HMG20A: variants seen among roughly 807,000 people sequenced by gnomAD.
HMG20A encodes high mobility group 20A.
A neutral mutation model predicts 43.9 loss-of-function variants in HMG20A; 17 were observed. The ratio of observed to expected loss-of-function variants is 0.39; its 90% CI spans 0.27 to 0.58. The LOEUF (loss-of-function observed/expected upper bound fraction) is 0.58. Among genes scored for constraint, HMG20A ranks in the 20% least tolerant of loss-of-function variants. HMG20A has a pLI of 0.59. For missense variants in HMG20A, 341 were observed against 438.2 expected, an observed-to-expected ratio of 0.78 and a Z score of 1.98; for synonymous variants, 132 against 147.5, an observed-to-expected ratio of 0.89 and a Z score of 0.76.
At chr15:77,423,082 T>A (rs1364126758) in intron 1 of HMG20A, among the ~76,000 whole-genome samples, 1 of 152,200 alleles carries the variant, frequency 6.6e-6, no homozygotes, top group Non-Finnish European at 1.5e-5. Context: ...GGAAACTGTC[T>A]TTATTAAATT....
At chr15:77,510,808 G>A in the HMG20A span, among the ~76,000 whole-genome samples, 1 of 152,220 alleles carries the variant, frequency 6.6e-6, no homozygotes, top group South Asian at 2.1e-4. Flanking sequence ...AGAAACACTG[G>A]AGCAGATGGG....
At chr15:77,513,791 T>A in the HMG20A span, among the ~76,000 whole-genome samples, 1,573 of 151,222 alleles carry the variant, frequency 0.01, 21 homozygotes, top group African/African-American at 0.035. Context: ...AGTGGTGCAA[T>A]CTTGACTCAC....
the HMG20A span, among the ~76,000 whole-genome samples, chr15:77,506,855 T>C: frequency 6.6e-6 from 1 of 152,194 alleles, no homozygotes; most frequent in South Asian, 2.1e-4. Flanking sequence ...GGGGATGTGA[T>C]GAAGAGAAGG....
chr15:77,455,609 G>A (rs890034703), intron 1 of HMG20A, among the ~76,000 whole-genome samples: 5 of 152,132 alleles, frequency 3.3e-5, no homozygotes, highest in African/African-American at 1.2e-4. Context: ...AGACCTGTTT[G>A]TATAAAGTGC....
intron 1 of HMG20A, among the ~76,000 whole-genome samples, chr15:77,454,935 T>C (rs2072640607): frequency 6.6e-6 from 1 of 151,992 alleles, no homozygotes; most frequent in Non-Finnish European, 1.5e-5. Flanking sequence ...AAGGCTGTAA[T>C]ATGGAAAATG....
chr15:77,472,059 TA>T (rs2072814433), intron 6 of HMG20A, among the ~76,000 whole-genome samples: 1 of 152,204 alleles, frequency 6.6e-6, no homozygotes, highest in Non-Finnish European at 1.5e-5. Flanking sequence ...TTATTGGCTT[TA>T]AATGCCAAAG....
intron 1 of HMG20A, among the ~76,000 whole-genome samples, chr15:77,440,155 A>G (rs1425850519): frequency 6.6e-6 from 1 of 152,110 alleles, no homozygotes; most frequent in Non-Finnish European, 1.5e-5. Flanking sequence ...CTTTAACATG[A>G]TCTTCTGATG....
chr15:77,500,969 A>T, the HMG20A span, among the ~76,000 whole-genome samples: 1 of 152,176 alleles, frequency 6.6e-6, no homozygotes, highest in Admixed American at 6.5e-5. Context: ...CCCAGATCAG[A>T]TAGCACCCAT....
intron 2 of HMG20A, among the ~76,000 whole-genome samples, chr15:77,463,142 T>C (rs1395756278): frequency 6.6e-6 from 1 of 152,178 alleles, no homozygotes; most frequent in Non-Finnish European, 1.5e-5. Context: ...TCTCACTTAA[T>C]CTATTACAGT....
intron 5 of HMG20A, 24 bp downstream of exon 5, chr15:77,471,066 A>T: frequency 6.2e-7 from 1 of 1,602,810 alleles, no homozygotes; most frequent in Non-Finnish European, 8.5e-7. Flanking sequence ...AACCAAATGT[A>T]TTTGTAGTTT....
chr15:77,514,244 A>C, the HMG20A span, among the ~76,000 whole-genome samples: 3 of 152,242 alleles, frequency 2.0e-5, no homozygotes, highest in African/African-American at 7.2e-5. Context: ...TTAATTATTA[A>C]TACACGCAAC....
intron 3 of HMG20A, among the ~76,000 whole-genome samples, chr15:77,466,591 G>T (rs574988175): frequency 6.6e-6 from 1 of 152,278 alleles, no homozygotes; most frequent in African/African-American, 2.4e-5. Flanking sequence ...CCCATTGTGA[G>T]TTATTTTTAA....
At chr15:77,490,960 A>C in the HMG20A span, among the ~76,000 whole-genome samples, 1 of 152,166 alleles carries the variant, frequency 6.6e-6, no homozygotes, top group South Asian at 2.1e-4. Flanking sequence ...ATGTGCACAC[A>C]TGTAGATCCA....
chr15:77,430,893 A>G (rs1180461468), intron 1 of HMG20A, among the ~76,000 whole-genome samples: 1 of 152,206 alleles, frequency 6.6e-6, no homozygotes, highest in Non-Finnish European at 1.5e-5. Flanking sequence ...TGACTGGAGG[A>G]GAGAAAGTTA....
At chr15:77,512,550 A>G in the HMG20A span, among the ~76,000 whole-genome samples, 1 of 152,210 alleles carries the variant, frequency 6.6e-6, no homozygotes, top group Non-Finnish European at 1.5e-5. Context: ...TATTAACACA[A>G]GTAAGTATAT....
At chr15:77,473,342 A>G (rs2072827108) in intron 6 of HMG20A, among the ~76,000 whole-genome samples, 1 of 152,190 alleles carries the variant, frequency 6.6e-6, no homozygotes, top group Non-Finnish European at 1.5e-5. Flanking sequence ...ATATTAGCAG[A>G]CATTTGTATA....
At chr15:77,437,902 T>G (rs150030113) in intron 1 of HMG20A, among the ~76,000 whole-genome samples, 23 of 152,146 alleles carry the variant, frequency 1.5e-4, no homozygotes, top group African/African-American at 5.5e-4. Flanking sequence ...AAAGTAAAGA[T>G]AGAGAGTTCT....
At chr15:77,515,081 T>G in the HMG20A span, among the ~76,000 whole-genome samples, 1 of 152,142 alleles carries the variant, frequency 6.6e-6, no homozygotes, top group African/African-American at 2.4e-5. Flanking sequence ...AGGATGTGGC[T>G]TGGTCATGGT....
At chr15:77,494,494 A>G in the HMG20A span, among the ~76,000 whole-genome samples, 1 of 152,178 alleles carries the variant, frequency 6.6e-6, no homozygotes, top group Non-Finnish European at 1.5e-5. Context: ...TCTGGACCCA[A>G]GTGAGACTTT....
Sources: gnomAD v4.1 joint callset for allele counts (sites outside exome capture counted in the v4.1 genomes callset) on GRCh38, gnomAD v4.1.1 for gene constraint, MANE v1.5 for transcripts, NCBI Gene and HGNC (gene_info 2026-07-23, HGNC 2026-07-21) for gene names.